The following TSPAN15 variants were observed in gnomAD, a reference collection of about 807,000 sequenced individuals.
TSPAN15 encodes tetraspanin-15.
A neutral mutation model predicts 34.5 loss-of-function variants in TSPAN15; 20 were observed. The observed-to-expected ratio is 0.58, with a 90% CI of 0.41 to 0.84. The LOEUF is 0.84. Ranked by LOEUF, TSPAN15 falls within the 40% of genes least tolerant of loss-of-function variation. The probability of loss-of-function intolerance (pLI) is 0.00; values close to 1 mark genes in which losing one functional copy is unlikely to be tolerated. For missense variants in TSPAN15, 313 were observed against 386.1 expected (o/e 0.81, Z 1.59); for synonymous variants, 155 against 153.9 (o/e 1.01, Z -0.05).
At chr10:69,517,443 T>G in the TSPAN15 span, among the ~76,000 whole-genome samples, 1 of 152,220 alleles carries the variant, frequency 6.6e-6, no homozygotes, top group Non-Finnish European at 1.5e-5. Context: ...TTAGCTGCCC[T>G]CCTGAGGCTG....
chr10:69,498,206 C>A, intron 4 of TSPAN15, 74 bp from the exon 5 acceptor site: 1 of 1,367,868 alleles, frequency 7.3e-7, no homozygotes, highest in Non-Finnish European at 1.0e-6. Context: ...CGTCTCCTGA[C>A]AGGGCCCCTT....
the TSPAN15 span, among the ~76,000 whole-genome samples, chr10:69,539,458 AAGAAGG>A: frequency 6.9e-4 from 46 of 66,348 alleles, 4 homozygotes; most frequent in African/African-American, 2.6e-3. Flanking sequence ...GAAGAAGAAG[AAGAAGG>A]AGAAGGAGAA....
intron 4 of TSPAN15, among the ~76,000 whole-genome samples, chr10:69,496,561 G>T (rs565789369): frequency 6.6e-6 from 1 of 152,260 alleles, no homozygotes; most frequent in Non-Finnish European, 1.5e-5. Context: ...TGAGACCACA[G>T]TGCCAGCTGT....
chr10:69,469,630 G>A (rs929563648), intron 1 of TSPAN15, among the ~76,000 whole-genome samples: 3 of 152,148 alleles, frequency 2.0e-5, no homozygotes, highest in African/African-American at 2.4e-5. Flanking sequence ...AAAAGTAATT[G>A]CAGTTTTTGC....
At chr10:69,521,328 G>C in the TSPAN15 span, among the ~76,000 whole-genome samples, 1 of 148,064 alleles carries the variant, frequency 6.8e-6, no homozygotes, top group Admixed American at 7.0e-5. Context: ...TGGCCAACAT[G>C]GCGAAACCCT....
At chr10:69,501,152 C>A (rs1278339164) in intron 5 of TSPAN15, among the ~76,000 whole-genome samples, 2 of 152,210 alleles carry the variant, frequency 1.3e-5, no homozygotes, top group Non-Finnish European at 2.9e-5. Context: ...TGACCAGGAG[C>A]TCACCGTGGA....
rs1326053585 is a variant in TSPAN15 at position 69,485,164 on chromosome 10, C to T, written c.306C>T (p.Cys102=). The T allele has an allele frequency of 1.2e-6, 2 of 1,614,144 alleles. No homozygotes were observed. The change falls in exon 3 of 8, where the codon TGC becomes TGT. Residue 102 remains cysteine (C), a synonymous_variant. Transcript: ENST00000373290. ...AGTTCATGTACATCCTTGGGATCTG[C>T]CTCATCATGGAGCTCATTGGTGGCG... The part of the protein sequence containing the change: ...LQAFMYILGI[C]LIMELIGGVV...
At chr10:69,499,456 G>A (rs898557744) in intron 5 of TSPAN15, among the ~76,000 whole-genome samples, 4 of 152,196 alleles carry the variant, frequency 2.6e-5, no homozygotes, top group Non-Finnish European at 4.4e-5. Flanking sequence ...AGAGGCCTGC[G>A]TGGGGTGATC....
the TSPAN15 span, among the ~76,000 whole-genome samples, chr10:69,539,470 GAGAAGGAGAAGGAGAAGAAGA>G: frequency 3.4e-5 from 2 of 59,142 alleles, no homozygotes; most frequent in African/African-American, 1.4e-4. Flanking sequence ...GAAGGAGAAG[GAGAAGGAGAAGGAGAAGAAGA>G]AGAAGAAGAA....
chr10:69,493,276 G>A (rs546267638), intron 3 of TSPAN15, among the ~76,000 whole-genome samples: 9 of 152,250 alleles, frequency 5.9e-5, no homozygotes, highest in African/African-American at 1.7e-4. Context: ...CTTCTGCCCC[G>A]GGGGCCAGTG....
At chr10:69,539,514 GAA>G in the TSPAN15 span, among the ~76,000 whole-genome samples, 1 of 101,704 alleles carries the variant, frequency 9.8e-6, no homozygotes, top group Non-Finnish European at 2.1e-5. Flanking sequence ...AGAAGAAGAA[GAA>G]GAAGAAGAAG....
chr10:69,471,440 A>G (rs1421196026), intron 1 of TSPAN15, among the ~76,000 whole-genome samples: 6 of 152,224 alleles, frequency 3.9e-5, no homozygotes, highest in African/African-American at 1.2e-4. Flanking sequence ...GTTAACATTT[A>G]CAAACATGCA....
Position 69,485,189 on chromosome 10 carries a change from G to T in TSPAN15, c.331G>T (p.Val111Leu), listed in dbSNP as rs150067289. ...CCTCATCATGGAGCTCATTGGTGGC[G>T]TGGTGGCCTTGACCTTCCGGAACCA... The part of the protein sequence containing the change: ...ICLIMELIGG[V>L]VALTFRNQTI... Residue 111 changes from valine (V) to leucine (L), a missense_variant, in exon 3 of 8, where the codon GTG (valine) becomes TTG (leucine). Val to Leu is a conservative substitution (Grantham distance 32, BLOSUM62 1). Coordinates refer to ENST00000373290, the MANE Select transcript of TSPAN15 (RefSeq NM_012339.5). The T allele has an allele frequency of 6.2e-7, 1 of 1,614,150 alleles. No individual in the cohort carries two copies. The highest frequency in any genetic ancestry group is 8.5e-7 in the Non-Finnish European group (1 of 1,180,024).
intron 3 of TSPAN15, among the ~76,000 whole-genome samples, chr10:69,485,855 A>G (rs748595495): frequency 4.0e-4 from 61 of 152,056 alleles, no homozygotes; most frequent in Non-Finnish European, 8.1e-4. Context: ...AGGCGATTTG[A>G]TGTATATTTT....
At chr10:69,498,453 T>C in intron 5 of TSPAN15, 57 bp downstream of exon 5, 1 of 1,420,790 alleles carries the variant, frequency 7.0e-7, no homozygotes, top group South Asian at 1.2e-5. Flanking sequence ...GTGGTATAAA[T>C]GTTCTCTTTT....
At chr10:69,484,099 G>A (rs1023336373) in intron 2 of TSPAN15, 4 of 456,194 alleles carry the variant, frequency 8.8e-6, no homozygotes, top group African/African-American at 5.8e-5. Flanking sequence ...CTTAAACTCT[G>A]TGTTCATCTG....
At chr10:69,475,909 C>A (rs12250796) in intron 1 of TSPAN15, among the ~76,000 whole-genome samples, 9,417 of 151,774 alleles carry the variant, frequency 0.062, 1,011 homozygotes, top group African/African-American at 0.22. Context: ...TTTAAAGAAA[C>A]CATAAATTAA....
chr10:69,532,342 A>G, the TSPAN15 span, among the ~76,000 whole-genome samples: 4 of 152,252 alleles, frequency 2.6e-5, no homozygotes, highest in Non-Finnish European at 5.9e-5. Flanking sequence ...ACATAGGCCA[A>G]TGGAACAGAA....
At chr10:69,546,098 CCT>C in the TSPAN15 span, among the ~76,000 whole-genome samples, 1 of 152,236 alleles carries the variant, frequency 6.6e-6, no homozygotes, top group African/African-American at 2.4e-5. Flanking sequence ...TTCTTCACCT[CCT>C]TGTGGCATTT....
Sources: allele counts gnomAD v4.1 joint callset (sites outside exome capture counted in the v4.1 genomes callset), GRCh38; gene constraint gnomAD v4.1.1; transcripts MANE v1.5; gene names NCBI Gene and HGNC (gene_info 2026-07-23, HGNC 2026-07-21).